Variants in ADAMTS6 observed in about 807,000 individuals in gnomAD.
The protein encoded by ADAMTS6 is A disintegrin and metalloproteinase with thrombospondin motifs 6.
A neutral mutation model predicts 144.3 loss-of-function variants in ADAMTS6; 23 were observed. That is an observed-to-expected ratio of 0.16 (90% CI 0.11 to 0.23). ADAMTS6 has a LOEUF of 0.23. ADAMTS6 is among the 10% of genes least tolerant of loss of function. The pLI is 1.00. For synonymous variants in ADAMTS6, 444 were observed against 457.5 expected (o/e 0.97, Z 0.38); for missense variants, 999 against 1,379.6 (o/e 0.72, Z 4.37).
chr5:65,471,483 G>C (rs375098962), intron 2 of ADAMTS6, among the ~76,000 whole-genome samples: 2 of 152,054 alleles, frequency 1.3e-5, no homozygotes, highest in Non-Finnish European at 2.9e-5. Context: ...TAAAAGAAAA[G>C]AGTTTAGCTC....
At chr5:65,176,113 A>C (rs961341007) in intron 22 of ADAMTS6, among the ~76,000 whole-genome samples, 2 of 139,698 alleles carry the variant, frequency 1.4e-5, no homozygotes, top group African/African-American at 5.5e-5. Context: ...CTTCGGAAAA[A>C]AAAGGGAAAA....
intron 12 of ADAMTS6, among the ~76,000 whole-genome samples, chr5:65,264,747 A>G (rs1313702642): frequency 1.3e-5 from 2 of 152,170 alleles, no homozygotes; most frequent in African/African-American, 4.8e-5. Context: ...TGGACAGAGC[A>G]GATGCAGAAC....
chr5:65,178,478 A>T (rs1435967085), intron 22 of ADAMTS6, among the ~76,000 whole-genome samples: 1 of 152,062 alleles, frequency 6.6e-6, no homozygotes, highest in African/African-American at 2.4e-5. Context: ...TAAAAGAAAA[A>T]CTCATGTCGG....
intron 9 of ADAMTS6, among the ~76,000 whole-genome samples, chr5:65,317,206 A>G (rs1031929704): frequency 3.3e-5 from 5 of 152,238 alleles, no homozygotes; most frequent in African/African-American, 1.2e-4. Context: ...CTACATATGC[A>G]TTTGGAGTTG....
At chr5:65,159,934 A>G (rs1046002288) in intron 24 of ADAMTS6, among the ~76,000 whole-genome samples, 5 of 152,246 alleles carry the variant, frequency 3.3e-5, no homozygotes, top group Non-Finnish European at 4.4e-5. Flanking sequence ...AGTTTTTGCC[A>G]TTAAAAGTAA....
At chr5:65,291,899 C>T (rs1052991904) in intron 10 of ADAMTS6, among the ~76,000 whole-genome samples, 4 of 151,870 alleles carry the variant, frequency 2.6e-5, no homozygotes, top group Non-Finnish European at 1.5e-5. Context: ...TATATAGTTC[C>T]ACCTTGGGCA....
intron 7 of ADAMTS6, among the ~76,000 whole-genome samples, chr5:65,350,541 G>A (rs1748759536): frequency 6.6e-6 from 1 of 151,920 alleles, no homozygotes; most frequent in Admixed American, 6.6e-5. Flanking sequence ...ATAATCTCGA[G>A]TTTCCTACAT....
intron 7 of ADAMTS6, among the ~76,000 whole-genome samples, chr5:65,431,009 T>C: frequency 6.6e-6 from 1 of 152,190 alleles, no homozygotes; most frequent in East Asian, 1.9e-4. Flanking sequence ...GAGATTTTTA[T>C]CACTTATTCA....
At position 65,470,786 on chromosome 5, in the gene ADAMTS6, C is replaced by T. The variant is rs1373614760; in HGVS notation, c.454G>A (p.Val152Ile). The T allele has an allele frequency of 1.3e-6, 2 of 1,585,116 alleles. No homozygotes were observed. Among genetic ancestry groups the T allele is most frequent in the Non-Finnish European group, 1.7e-6 (2 of 1,172,030 alleles). ...TTATAGCATCTACTTACCAACCCAA[C>T]ACAGTTGCTTAAAGCCACTTTAGTT... is the stretch of plus-strand genomic sequence containing the variant. ...STTKVALSNC[V>I]GLHGVIATED... The change falls in exon 3 of 25, where the codon GTT becomes ATT. Residue 152 changes from valine (V) to isoleucine (I), a missense_variant. This residue lies in a region of ADAMTS6 where 252 missense variants were observed against 293.7 expected (regional missense o/e 0.86). Coordinates refer to ENST00000381055, the MANE Select transcript of ADAMTS6 (RefSeq NM_197941.4).
intron 1 of ADAMTS6, among the ~76,000 whole-genome samples, chr5:65,476,014 G>A (rs1026182401): frequency 1.3e-5 from 2 of 151,184 alleles, no homozygotes; most frequent in African/African-American, 2.4e-5. Context: ...ACACTGAGGG[G>A]ATGTCACTTT....
intron 9 of ADAMTS6, among the ~76,000 whole-genome samples, chr5:65,312,077 A>T (rs1463791334): frequency 6.6e-6 from 1 of 152,052 alleles, no homozygotes; most frequent in Non-Finnish European, 1.5e-5. Context: ...GGAAAAAATA[A>T]ATAGATGATC....
intron 24 of ADAMTS6, among the ~76,000 whole-genome samples, chr5:65,160,082 A>G (rs1362288644): frequency 6.6e-6 from 1 of 152,196 alleles, no homozygotes; most frequent in East Asian, 1.9e-4. Context: ...ACAATTCTCA[A>G]CATTCTATCT....
At chr5:65,312,907 G>C (rs909595991) in intron 9 of ADAMTS6, among the ~76,000 whole-genome samples, 1 of 151,854 alleles carries the variant, frequency 6.6e-6, no homozygotes, top group Non-Finnish European at 1.5e-5. Flanking sequence ...AAGGTAGCTG[G>C]AACAAGGAAA....
At chr5:65,254,956 G>A (rs1760519586) in intron 14 of ADAMTS6, among the ~76,000 whole-genome samples, 1 of 152,222 alleles carries the variant, frequency 6.6e-6, no homozygotes, top group Non-Finnish European at 1.5e-5. Flanking sequence ...GTAAATGTCA[G>A]CAGCAGTTGC....
chr5:65,435,067 T>G (rs1400678865), intron 7 of ADAMTS6, among the ~76,000 whole-genome samples: 1 of 152,188 alleles, frequency 6.6e-6, no homozygotes, highest in Non-Finnish European at 1.5e-5. Context: ...AGATAAATCT[T>G]GAAAGTAAAG....
Position 65,253,812 on chromosome 5 carries a change from C to CTTTTTTTTT in ADAMTS6, c.1830+6779_1830+6787dup, listed in dbSNP as rs759508097. Among the ~76,000 whole-genome samples the CTTTTTTTTT allele has an allele frequency of 3.6e-4, 24 of 66,998 alleles. 4 individuals carry two copies. The highest frequency in any genetic ancestry group is 4.6e-4 in the Non-Finnish European group (18 of 39,090). The allele number at this position is 66,998 out of a possible 152,430, so 44.0% of individuals were successfully genotyped here. A position where few individuals can be genotyped will look rare whatever the true frequency, so the allele number is the denominator to read the frequency against. Reference sequence around the variant, plus strand: ...TAAAGTCTTGCTTACAATATTCAATCTTTTTTTTTTTTTTTTTTTTTTTTT... The same window carrying CTTTTTTTTT: ...TAAAGTCTTGCTTACAATATTCAATCTTTTTTTTTTTTTTTTTTTTTTTTTTTTTTTTTT... On this transcript the variant is annotated intron_variant, in intron 14 of 24. Coordinates refer to ENST00000381055, the MANE Select transcript of ADAMTS6 (RefSeq NM_197941.4).
chr5:65,179,063 A>C (rs1754165954), intron 22 of ADAMTS6, among the ~76,000 whole-genome samples: 1 of 152,026 alleles, frequency 6.6e-6, no homozygotes, highest in Admixed American at 6.6e-5. Flanking sequence ...CTCCAGTCAC[A>C]CCCGGAAGCT....
At position 65,198,122 on chromosome 5, in the gene ADAMTS6, G is replaced by A. The variant is rs188374251; in HGVS notation, c.2576-971C>T. On this transcript the variant is annotated intron_variant, in intron 20 of 24. Coordinates refer to ENST00000381055, the MANE Select transcript of ADAMTS6 (RefSeq NM_197941.4). ...GTCAAACTACAAGACAATGCTAAAT[G>A]TTTCAGATCATATAGCGGTAACAGG... is the stretch of plus-strand genomic sequence containing the variant. 1.2e-3 allele frequency among the ~76,000 whole-genome samples: 189 copies of A among 152,268 alleles called. 1 individual carries two copies. Among genetic ancestry groups the A allele is most frequent in the Non-Finnish European group, 1.6e-3 (106 of 68,022 alleles).
chr5:65,162,377 C>T (rs73103481), intron 24 of ADAMTS6, among the ~76,000 whole-genome samples: 4,674 of 152,194 alleles, frequency 0.031, 225 homozygotes, highest in African/African-American at 0.11. Flanking sequence ...AAATGTTTTA[C>T]TTCAAAATCA....
Sources: gnomAD v4.1 joint callset for allele counts (sites outside exome capture counted in the v4.1 genomes callset) on GRCh38, gnomAD v4.1.1 for gene constraint, gnomAD v4.1.1 regional missense constraint, MANE v1.5 for transcripts, NCBI Gene and HGNC (gene_info 2026-07-23, HGNC 2026-07-21) for gene names.